TPST2: variants seen among roughly 807,000 people sequenced by gnomAD.
TPST2 encodes the protein tyrosylprotein sulfotransferase 2, also known as protein-tyrosine sulfotransferase 2.
TPST2 carries 16 observed loss-of-function variants against 27.8 expected under a neutral mutation model. The observed-to-expected ratio is 0.58, with a 90% CI of 0.39 to 0.88. The LOEUF is 0.88. TPST2 is among the 40% of genes least tolerant of loss of function. The pLI, the probability that TPST2 is intolerant of heterozygous loss-of-function variation, is 0.00. For synonymous variants in TPST2, 229 were observed against 231.7 expected, an observed-to-expected ratio of 0.99 and a Z score of 0.10; for missense variants, 464 against 543.1, an observed-to-expected ratio of 0.85 and a Z score of 1.45.
At chr22:26,555,887 T>C (rs1229370378) in intron 1 of TPST2, among the ~76,000 whole-genome samples, 1 of 152,210 alleles carries the variant, frequency 6.6e-6, no homozygotes, top group Non-Finnish European at 1.5e-5. Context: ...AGAGGCGGAA[T>C]GGGCTGCTCA....
Position 26,524,117 on chromosome 22 carries a change from A to C in TPST2, c.*2158T>G, listed in dbSNP as rs923603176. 1 of 152,190 alleles carries C rather than the reference A, an allele frequency of 6.6e-6. No homozygotes were observed. Among genetic ancestry groups the C allele is most frequent in the Non-Finnish European group, 1.5e-5 (1 of 68,040 alleles). 9.4% of individuals were successfully genotyped at this position (152,190 alleles called of 1,614,324 possible). On this transcript the variant is annotated 3_prime_UTR_variant, in exon 7 of 7. Transcript: ENST00000338754. Reference sequence around the variant, plus strand: ...ATCATTTATCAGAGACTGTGTGTCAAACATTTAAAAAATAAAAAGTAACTG... The same window carrying C: ...ATCATTTATCAGAGACTGTGTGTCACACATTTAAAAAATAAAAAGTAACTG...
At chr22:26,551,669 G>A (rs1926475987) in intron 1 of TPST2, among the ~76,000 whole-genome samples, 1 of 152,074 alleles carries the variant, frequency 6.6e-6, no homozygotes. Context: ...GGTGGGGACT[G>A]ATGAGGCTGG....
chr22:26,582,379 G>C (rs1423906783), intron 1 of TPST2, among the ~76,000 whole-genome samples: 1 of 152,002 alleles, frequency 6.6e-6, no homozygotes, highest in Non-Finnish European at 1.5e-5. Flanking sequence ...GTGAGCCGAG[G>C]TTGTACCATT....
intron 1 of TPST2, among the ~76,000 whole-genome samples, chr22:26,573,161 G>A (rs1251916298): frequency 6.6e-6 from 1 of 152,142 alleles, no homozygotes; most frequent in Non-Finnish European, 1.5e-5. Flanking sequence ...AGCCCCTCGA[G>A]TAGAGAGGAC....
At position 26,522,147 on chromosome 22, in the gene TPST2, C is replaced by T. The variant is rs891383553; in HGVS notation, c.*4128G>A. 4 of 152,094 alleles carry T rather than the reference C, an allele frequency of 2.6e-5. No homozygotes were observed. Among genetic ancestry groups the T allele is most frequent in the Non-Finnish European group, 5.9e-5 (4 of 68,028 alleles). The allele number at this position is 152,094 out of a possible 1,614,324, so 9.4% of individuals were successfully genotyped here. ...GCTTATCTCATGGATTTCTCTTAAC[C>T]ATCCCCTGAGATCCCCCTATAGTTC... is the stretch of plus-strand genomic sequence containing the variant. On this transcript the variant is annotated 3_prime_UTR_variant, in exon 7 of 7. Transcript: ENST00000338754.
chr22:26,553,887 A>G (rs1387125892), intron 1 of TPST2, among the ~76,000 whole-genome samples: 2 of 152,210 alleles, frequency 1.3e-5, no homozygotes, highest in Non-Finnish European at 2.9e-5. Flanking sequence ...GAACAATCAC[A>G]GGACAAAAAA....
At chr22:26,569,773 A>C (rs144224453) in intron 1 of TPST2, among the ~76,000 whole-genome samples, 1,962 of 152,042 alleles carry the variant, frequency 0.013, 23 homozygotes, top group Non-Finnish European at 0.019. Flanking sequence ...AACATGGTAA[A>C]ACCCTGTTTC....
rs117320396 is a variant in TPST2, at chr22:26,549,035, G to A, written c.-160-4360C>T. Among the ~76,000 whole-genome samples the A allele has an allele frequency of 3.4e-3, 514 of 152,298 alleles. 14 individuals are homozygous for A. The East Asian group carries it at 0.066, about 19-fold the overall frequency. On this transcript the variant is annotated intron_variant, in intron 1 of 6. Transcript: ENST00000338754. ...AGAATTTCAGATAAAGGGATACGCA[G>A]CCTGTAACACCTCCTAGAAGGGCAC...
At chr22:26,547,196 C>G (rs1040387040) in intron 1 of TPST2, among the ~76,000 whole-genome samples, 3 of 152,086 alleles carry the variant, frequency 2.0e-5, no homozygotes, top group Non-Finnish European at 4.4e-5. Context: ...TCAAGCGATC[C>G]TCCCAGATCC....
chr22:26,585,202 C>A, intron 1 of TPST2, among the ~76,000 whole-genome samples: 1 of 152,222 alleles, frequency 6.6e-6, no homozygotes, highest in African/African-American at 2.4e-5. Context: ...GGCTGCCTGC[C>A]TGCTTTCTGG....
chr22:26,566,092 G>A (rs1205946954), intron 1 of TPST2, among the ~76,000 whole-genome samples: 1 of 152,190 alleles, frequency 6.6e-6, no homozygotes, highest in East Asian at 1.9e-4. Context: ...AGCCACACGT[G>A]GTTTGTGGTT....
chr22:26,588,750 G>A (rs1448417709), intron 1 of TPST2, among the ~76,000 whole-genome samples: 2 of 152,056 alleles, frequency 1.3e-5, no homozygotes, highest in African/African-American at 4.8e-5. Context: ...AGGAAAATGC[G>A]TCGCCCGGGC....
intron 1 of TPST2, among the ~76,000 whole-genome samples, chr22:26,578,709 A>G (rs1449599611): frequency 6.6e-6 from 1 of 152,148 alleles, no homozygotes; most frequent in Non-Finnish European, 1.5e-5. Flanking sequence ...ACAGGGGTGC[A>G]CTGTTCCCAG....
At chr22:26,560,884 T>C in intron 1 of TPST2, 1 of 1,598,128 alleles carries the variant, frequency 6.3e-7, no homozygotes, top group Non-Finnish European at 8.6e-7. Flanking sequence ...CATCCTGGCC[T>C]GTCCATTGGT....
At chr22:26,568,356 C>G (rs1050122510) in intron 1 of TPST2, among the ~76,000 whole-genome samples, 1 of 152,168 alleles carries the variant, frequency 6.6e-6, no homozygotes, top group African/African-American at 2.4e-5. Flanking sequence ...CTCTCCAGTA[C>G]GGGCTGGGTA....
At chr22:26,568,637 A>G (rs1049150943) in intron 1 of TPST2, among the ~76,000 whole-genome samples, 2 of 152,072 alleles carry the variant, frequency 1.3e-5, no homozygotes, top group Non-Finnish European at 1.5e-5. Flanking sequence ...ACGTTTACAA[A>G]TGCCATAGCA....
At chr22:26,580,663 C>T (rs1928064898) in intron 1 of TPST2, among the ~76,000 whole-genome samples, 1 of 152,036 alleles carries the variant, frequency 6.6e-6, no homozygotes, top group Non-Finnish European at 1.5e-5. Context: ...AAAATTAATG[C>T]AAAAATAAAA....
In TPST2 at chr22:26,557,813, G is replaced by A. The variant is rs141027268; in HGVS notation, c.-160-13138C>T. Among the ~76,000 whole-genome samples, 507 of 122,446 alleles carry A rather than the reference G, an allele frequency of 4.1e-3. 3 individuals are homozygous for A. The highest frequency in any genetic ancestry group is 0.014 in the African/African-American group (471 of 32,954). The allele number at this position is 122,446 out of a possible 152,430, so 80.3% of individuals were successfully genotyped here. On this transcript the variant is annotated intron_variant, in intron 1 of 6. Coordinates refer to ENST00000338754, the MANE Select transcript of TPST2 (RefSeq NM_003595.5). The stretch of plus-strand genomic sequence containing the variant: ...TGTAATCTCAGCACTTCAGGAGGCC[G>A]AGGAGGGAGGATTGCTTGAGCTCTG...
At chr22:26,575,281 G>A (rs905656136) in intron 1 of TPST2, among the ~76,000 whole-genome samples, 5 of 152,126 alleles carry the variant, frequency 3.3e-5, no homozygotes, top group Admixed American at 2.0e-4. Flanking sequence ...TGAATATTAC[G>A]ACTTTGACAC....
Sources: gnomAD v4.1 joint callset for allele counts (sites outside exome capture counted in the v4.1 genomes callset) on GRCh38, gnomAD v4.1.1 for gene constraint, MANE v1.5 for transcripts, NCBI Gene and HGNC (gene_info 2026-07-23, HGNC 2026-07-21) for gene names.